The following GULP1 variants were observed in gnomAD, a reference collection of about 807,000 sequenced individuals.
GULP1 encodes the protein PTB domain-containing engulfment adapter protein 1.
Under a neutral mutation model 40.9 loss-of-function variants are expected in GULP1, and 19 were observed. That is an observed-to-expected ratio of 0.46 (90% confidence interval 0.32 to 0.68). GULP1 has a LOEUF of 0.68. Ranked by LOEUF, GULP1 falls within the 30% of genes least tolerant of loss-of-function variation. The pLI is 0.03. For missense variants in GULP1, 312 were observed against 362.2 expected (o/e 0.86, Z 1.12); for synonymous variants, 119 against 117.6 (o/e 1.01, Z -0.08).
chr2:188,465,988 T>A (rs560131037), intron 2 of GULP1, among the ~76,000 whole-genome samples: 1 of 152,070 alleles, frequency 6.6e-6, no homozygotes, highest in South Asian at 2.1e-4. Flanking sequence ...TGTGTGTGTG[T>A]GTGTAGATAG....
At chr2:188,487,012 C>A (rs2061919172) in intron 4 of GULP1, among the ~76,000 whole-genome samples, 2 of 151,878 alleles carry the variant, frequency 1.3e-5, no homozygotes, top group Non-Finnish European at 2.9e-5. Context: ...GTAAAGTTGA[C>A]AGAATCAATA....
intron 2 of GULP1, among the ~76,000 whole-genome samples, chr2:188,387,866 G>GT (rs1020907024): frequency 2.0e-3 from 303 of 150,410 alleles, no homozygotes; most frequent in African/African-American, 5.1e-3. Flanking sequence ...CCTTTAAGAA[G>GT]TTTTTTTTTT....
intron 2 of GULP1, among the ~76,000 whole-genome samples, chr2:188,392,003 T>A (rs1299086999): frequency 3.9e-5 from 6 of 152,062 alleles, no homozygotes; most frequent in Admixed American, 3.9e-4. Context: ...GCTGTTGCAT[T>A]TGGTTAGCTA....
chr2:188,546,960 C>T (rs1692123893), intron 7 of GULP1, among the ~76,000 whole-genome samples: 1 of 151,634 alleles, frequency 6.6e-6, no homozygotes, highest in African/African-American at 2.4e-5. Context: ...TAAATTGGAT[C>T]AATTATTTAG....
intron 9 of GULP1, among the ~76,000 whole-genome samples, chr2:188,578,583 A>T (rs1700634787): frequency 6.6e-6 from 1 of 152,034 alleles, no homozygotes; most frequent in Non-Finnish European, 1.5e-5. Flanking sequence ...GCAACAACAA[A>T]TCTCAAACAT....
intron 4 of GULP1, among the ~76,000 whole-genome samples, chr2:188,507,991 G>A (rs1468599807): frequency 3.3e-5 from 5 of 151,832 alleles, no homozygotes; most frequent in African/African-American, 9.7e-5. Context: ...TATATAATTT[G>A]GGATTATAGT....
intron 7 of GULP1, among the ~76,000 whole-genome samples, chr2:188,553,274 G>T (rs1693959774): frequency 6.6e-6 from 1 of 151,806 alleles, no homozygotes; most frequent in Non-Finnish European, 1.5e-5. Context: ...GTAGAGGAAA[G>T]GCTTTCAACA....
intron 1 of GULP1, among the ~76,000 whole-genome samples, chr2:188,322,887 T>A (rs2040192830): frequency 6.6e-6 from 1 of 152,098 alleles, no homozygotes; most frequent in South Asian, 2.1e-4. Context: ...GCAGCCCTGA[T>A]CATGTTTTAT....
At position 188,477,745 on chromosome 2, in the gene GULP1, T is replaced by A. The variant is rs745833001; in HGVS notation, c.28+15T>A. The A allele has an allele frequency of 2.4e-5, 38 of 1,588,702 alleles. No individual in the cohort carries two copies. Among genetic ancestry groups the A allele is most frequent in the Non-Finnish European group, 3.2e-5 (37 of 1,165,932 alleles). On this transcript the variant is annotated intron_variant, in intron 3 of 11. Coordinates refer to ENST00000409830, the MANE Select transcript of GULP1 (RefSeq NM_016315.4). ...CAGGAAGAAAGGTAAGTGTGGTCAT[T>A]TTTTAAAACTTGGGAGTCAAGCCAA...
chr2:188,571,560 G>T (rs1699038630), intron 9 of GULP1, among the ~76,000 whole-genome samples: 1 of 152,094 alleles, frequency 6.6e-6, no homozygotes, highest in African/African-American at 2.4e-5. Context: ...TCAGGTTCTG[G>T]TTTTATTCTG....
intron 7 of GULP1, among the ~76,000 whole-genome samples, chr2:188,552,424 A>G (rs1266317819): frequency 1.3e-5 from 2 of 151,866 alleles, no homozygotes; most frequent in Non-Finnish European, 2.9e-5. Flanking sequence ...TTCTTTCTCC[A>G]GTGTAACTTC....
At chr2:188,370,407 A>T (rs2047443335) in intron 1 of GULP1, among the ~76,000 whole-genome samples, 1 of 152,176 alleles carries the variant, frequency 6.6e-6, no homozygotes, top group South Asian at 2.1e-4. Flanking sequence ...TGAGCAAAAC[A>T]ATCAATGAAT....
intron 2 of GULP1, among the ~76,000 whole-genome samples, chr2:188,422,346 G>C (rs2055554921): frequency 6.6e-6 from 1 of 150,984 alleles, no homozygotes; most frequent in African/African-American, 2.4e-5. Flanking sequence ...CTAAGAACTA[G>C]TTCAATTGCA....
At chr2:188,453,806 A>T (rs1195864335) in intron 2 of GULP1, among the ~76,000 whole-genome samples, 2 of 152,226 alleles carry the variant, frequency 1.3e-5, no homozygotes, top group Non-Finnish European at 2.9e-5. Context: ...AACAAAGACC[A>T]GAAATACGAA....
chr2:188,311,519 C>T (rs2038102807), intron 1 of GULP1, among the ~76,000 whole-genome samples: 1 of 151,922 alleles, frequency 6.6e-6, no homozygotes, highest in African/African-American at 2.4e-5. Flanking sequence ...CTTTTTGTGA[C>T]TTCATCTTGA....
At chr2:188,452,069 A>T (rs1198089665) in intron 2 of GULP1, among the ~76,000 whole-genome samples, 1 of 152,224 alleles carries the variant, frequency 6.6e-6, no homozygotes, top group Non-Finnish European at 1.5e-5. Context: ...GCACTACAGC[A>T]TTTAATATTT....
intron 7 of GULP1, among the ~76,000 whole-genome samples, chr2:188,552,052 T>G (rs1443129778): frequency 3.3e-5 from 5 of 151,750 alleles, no homozygotes; most frequent in Non-Finnish European, 7.4e-5. Flanking sequence ...TTGAGTTCCT[T>G]GTATATTCTG....
At chr2:188,473,967 C>T (rs1559282769) in intron 2 of GULP1, among the ~76,000 whole-genome samples, 1 of 152,150 alleles carries the variant, frequency 6.6e-6, no homozygotes, top group Non-Finnish European at 1.5e-5. Flanking sequence ...TTATTCAATG[C>T]CCAAGGGCTC....
intron 4 of GULP1, among the ~76,000 whole-genome samples, chr2:188,503,756 A>G (rs971242458): frequency 6.6e-6 from 1 of 151,920 alleles, no homozygotes; most frequent in African/African-American, 2.4e-5. Context: ...TTTGCATGTA[A>G]TAACACACAC....
Sources: gnomAD v4.1 joint callset for allele counts (sites outside exome capture counted in the v4.1 genomes callset) on GRCh38, gnomAD v4.1.1 for gene constraint, MANE v1.5 for transcripts, NCBI Gene and HGNC (gene_info 2026-07-23, HGNC 2026-07-21) for gene names.